Variants in CHMP4B observed in about 807,000 individuals in gnomAD.
CHMP4B encodes SNF7 homolog associated with Alix 1.
Under a neutral mutation model 25.1 loss-of-function variants are expected in CHMP4B, and 1 was observed. That is an observed-to-expected ratio of 0.04 (90% CI 0.01 to 0.19). The LOEUF (loss-of-function observed/expected upper bound fraction) is 0.19, where lower values mean the gene tolerates loss of function less well. Ranked by LOEUF, CHMP4B falls within the 10% of genes least tolerant of loss-of-function variation. The pLI is 1.00. For synonymous variants in CHMP4B, 101 were observed against 115.6 expected, an observed-to-expected ratio of 0.87 and a Z score of 0.81; for missense variants, 151 against 289.7, an observed-to-expected ratio of 0.52 and a Z score of 3.48.
intron 1 of CHMP4B, among the ~76,000 whole-genome samples, chr20:33,821,386 C>CA (rs35674946): frequency 0.22 from 23,617 of 106,000 alleles, 2,472 homozygotes; most frequent in East Asian, 0.34. Context: ...GACTCCATCT[C>CA]AAAAAAAAAA....
At chr20:33,820,344 T>G (rs1432045734) in intron 1 of CHMP4B, among the ~76,000 whole-genome samples, 1 of 152,218 alleles carries the variant, frequency 6.6e-6, no homozygotes, top group South Asian at 2.1e-4. Context: ...GACTCTGATG[T>G]TGAGATCCCA....
intron 1 of CHMP4B, among the ~76,000 whole-genome samples, chr20:33,840,334 C>CG (rs907860822): frequency 2.5e-4 from 38 of 151,442 alleles, no homozygotes; most frequent in African/African-American, 5.8e-4. Flanking sequence ...GAAAGAGAGG[C>CG]GGGGGGGAAA....
At chr20:33,813,085 G>A (rs1405573030) in intron 1 of CHMP4B, among the ~76,000 whole-genome samples, 1 of 151,902 alleles carries the variant, frequency 6.6e-6, no homozygotes, top group African/African-American at 2.4e-5. Context: ...GAATGGTCAG[G>A]GAAGGCGTCT....
intron 1 of CHMP4B, among the ~76,000 whole-genome samples, chr20:33,816,557 C>T (rs1362127260): frequency 6.6e-6 from 1 of 151,898 alleles, no homozygotes; most frequent in Non-Finnish European, 1.5e-5. Context: ...TTGGTTTTCT[C>T]CCTAAGAAAG....
At chr20:33,832,853 A>G (rs1568608283) in intron 1 of CHMP4B, among the ~76,000 whole-genome samples, 1 of 149,112 alleles carries the variant, frequency 6.7e-6, no homozygotes. Context: ...ATCATAGCTC[A>G]CTGTAACCTC....
chr20:33,828,076 G>A (rs768592992), intron 1 of CHMP4B, among the ~76,000 whole-genome samples: 11 of 152,146 alleles, frequency 7.2e-5, no homozygotes, highest in Non-Finnish European at 1.0e-4. Flanking sequence ...TACCCACCTG[G>A]TTCTAAATTA....
chr20:33,833,120 T>C (rs1458506776), intron 1 of CHMP4B, among the ~76,000 whole-genome samples: 3 of 152,068 alleles, frequency 2.0e-5, no homozygotes, highest in Admixed American at 2.0e-4. Flanking sequence ...CACTCTGAAG[T>C]CCCTGAACTC....
intron 1 of CHMP4B, among the ~76,000 whole-genome samples, chr20:33,836,820 G>A (rs1414232212): frequency 6.6e-6 from 1 of 152,166 alleles, no homozygotes; most frequent in Non-Finnish European, 1.5e-5. Flanking sequence ...GGGTGTGATC[G>A]TAGGGTTCAA....
intron 1 of CHMP4B, among the ~76,000 whole-genome samples, chr20:33,839,647 T>C (rs1016832577): frequency 3.9e-5 from 6 of 152,218 alleles, no homozygotes; most frequent in Non-Finnish European, 4.4e-5. Flanking sequence ...GGTGCCAGAC[T>C]GCTGCTAACT....
At chr20:33,844,897 C>T (rs1253713895) in intron 1 of CHMP4B, among the ~76,000 whole-genome samples, 8 of 152,012 alleles carry the variant, frequency 5.3e-5, no homozygotes, top group Non-Finnish European at 8.8e-5. Context: ...TGGCTCGGAC[C>T]ACAGGCGCCT....
intron 1 of CHMP4B, among the ~76,000 whole-genome samples, chr20:33,820,803 G>T (rs1978918210): frequency 6.6e-6 from 1 of 152,060 alleles, no homozygotes; most frequent in Non-Finnish European, 1.5e-5. Flanking sequence ...AGAGTTTTTT[G>T]CGAAAGAAAA....
chr20:33,845,586 G>A (rs1303018611), intron 1 of CHMP4B, among the ~76,000 whole-genome samples: 1 of 152,180 alleles, frequency 6.6e-6, no homozygotes, highest in Non-Finnish European at 1.5e-5. Flanking sequence ...GCCTCCCAAA[G>A]TGGTGGGATT....
chr20:33,817,811 A>AG (rs1343837414), intron 1 of CHMP4B, among the ~76,000 whole-genome samples: 1 of 152,200 alleles, frequency 6.6e-6, no homozygotes, highest in Non-Finnish European at 1.5e-5. Flanking sequence ...TATATTTAGA[A>AG]GGGGAAAATC....
At chr20:33,852,555 G>A (rs537945224) in intron 4 of CHMP4B, among the ~76,000 whole-genome samples, 7 of 152,146 alleles carry the variant, frequency 4.6e-5, no homozygotes, top group African/African-American at 7.2e-5. Context: ...AGTAGCAACC[G>A]CCATGAGTTA....
intron 1 of CHMP4B, among the ~76,000 whole-genome samples, chr20:33,824,592 A>G (rs914114340): frequency 5.3e-5 from 8 of 152,288 alleles, no homozygotes; most frequent in Non-Finnish European, 1.0e-4. Flanking sequence ...AACATTGTGC[A>G]TTTCCCTGCC....
chr20:33,813,159 A>AG (rs1491417410), intron 1 of CHMP4B, among the ~76,000 whole-genome samples: 2 of 148,910 alleles, frequency 1.3e-5, no homozygotes, highest in African/African-American at 5.0e-5. Flanking sequence ...AAAAAAAAAA[A>AG]GGGGGAGGAG....
intron 1 of CHMP4B, among the ~76,000 whole-genome samples, chr20:33,837,910 T>A (rs1307206423): frequency 6.6e-6 from 1 of 152,198 alleles, no homozygotes; most frequent in Non-Finnish European, 1.5e-5. Context: ...CAGAACTATA[T>A]GGGTTCACCT....
chr20:33,849,278 C>T (rs139103618), intron 2 of CHMP4B, among the ~76,000 whole-genome samples: 83 of 152,274 alleles, frequency 5.5e-4, no homozygotes, highest in African/African-American at 1.9e-3. Context: ...TAAGGAGGCT[C>T]CAAATGAAGG....
chr20:33,840,980 A>G (rs1979524296), intron 1 of CHMP4B, among the ~76,000 whole-genome samples: 1 of 152,214 alleles, frequency 6.6e-6, no homozygotes, highest in Non-Finnish European at 1.5e-5. Context: ...TTGTAACTTG[A>G]TGTGATCCAG....
Sources: gnomAD v4.1 joint callset for allele counts (sites outside exome capture counted in the v4.1 genomes callset) on GRCh38, gnomAD v4.1.1 for gene constraint, MANE v1.5 for transcripts, NCBI Gene and HGNC (gene_info 2026-07-23, HGNC 2026-07-21) for gene names.